SCML2: variants seen among roughly 807,000 people sequenced by gnomAD.
The protein encoded by SCML2 is Scm polycomb group protein like 2, also known as sex comb on midleg-like protein 2.
Under a neutral mutation model 48.4 loss-of-function variants are expected in SCML2, and 6 were observed. The ratio of observed to expected loss-of-function variants is 0.12; its 90% CI spans 0.07 to 0.24. The LOEUF is 0.24. SCML2 is among the 10% of genes least tolerant of loss of function. The pLI, the probability that SCML2 is intolerant of heterozygous loss-of-function variation, is 1.00. For missense variants in SCML2, 377 were observed against 528.2 expected (o/e 0.71, Z 2.81); for synonymous variants, 181 against 189.5 (o/e 0.95, Z 0.37).
intron 3 of SCML2, among the ~76,000 whole-genome samples, chrX:18,329,076 A>G (rs757390636): frequency 1.8e-5 from 2 of 111,557 alleles, no homozygotes; most frequent in African/African-American, 3.3e-5. Context: ...AATGTTCTAA[A>G]ATTGACTGTG....
chrX:18,240,159 G>A lies in SCML2; in HGVS notation c.*1092C>T, dbSNP rs1926213990. The A allele has an allele frequency of 8.9e-6, 1 of 111,922 alleles. No homozygotes were observed. The highest frequency in any genetic ancestry group is 3.3e-5 in the African/African-American group (1 of 30,709). The allele number at this position is 111,922 out of a possible 1,213,427, so 9.2% of individuals were successfully genotyped here. The stretch of plus-strand genomic sequence containing the variant: ...TTGTTTCATATCCCCTGAAGAGTAA[G>A]CTGAGAGGTACTGGTGATAGCAAAC... On this transcript the variant is annotated 3_prime_UTR_variant, in exon 15 of 15. Transcript: ENST00000251900.
intron 1 of SCML2, among the ~76,000 whole-genome samples, chrX:18,350,623 T>C (rs12839019): frequency 1.4e-3 from 152 of 106,562 alleles, no homozygotes; most frequent in African/African-American, 5.0e-3. Flanking sequence ...TACATGCCTG[T>C]AGTCCCAGCA....
At chrX:18,323,724 C>A (rs976801797) in intron 5 of SCML2, 135 bp downstream of exon 5, 6 of 486,884 alleles carry the variant, frequency 1.2e-5, no homozygotes, top group Non-Finnish European at 1.8e-5. Context: ...TCTCATCATA[C>A]ATTCTCCACA....
chrX:18,264,212 T>C lies in SCML2; in HGVS notation c.948+1373A>G, dbSNP rs200692169. On this transcript the variant is annotated intron_variant, in intron 8 of 14. Transcript: ENST00000251900. ...ATCTAAAAGGTCTCTGGGTTCGTTT[T>C]CTTTCTCAATCTTAGTCTGAGTTTT... 8.9e-5 allele frequency among the ~76,000 whole-genome samples: 10 copies of C among 111,833 alleles called. No homozygotes were observed. In the East Asian group the frequency reaches 2.8e-3, roughly 31 times the overall value.
intron 3 of SCML2, among the ~76,000 whole-genome samples, chrX:18,325,609 T>C (rs1929454597): frequency 8.9e-6 from 1 of 111,838 alleles, no homozygotes; most frequent in Non-Finnish European, 1.9e-5. Flanking sequence ...TTCTACAGAC[T>C]CTTGCTGTCC....
At chrX:18,300,893 AAATTATAAT>A (rs1300150413) in intron 7 of SCML2, among the ~76,000 whole-genome samples, 1 of 111,893 alleles carries the variant, frequency 8.9e-6, no homozygotes, top group Non-Finnish European at 1.9e-5. Context: ...GTTCACCAGG[AAATTATAAT>A]AATTCAAAAC....
intron 7 of SCML2, among the ~76,000 whole-genome samples, chrX:18,275,618 G>A (rs750025835): frequency 5.0e-4 from 56 of 112,151 alleles, no homozygotes; most frequent in Non-Finnish European, 9.4e-4. Flanking sequence ...CAAATATCTG[G>A]TCTAGGGCCT....
intron 1 of SCML2, among the ~76,000 whole-genome samples, chrX:18,346,441 A>G (rs1172144231): frequency 8.9e-6 from 1 of 112,354 alleles, no homozygotes; most frequent in African/African-American, 3.2e-5. Context: ...AATCTATTGA[A>G]AAAAATGTTT....
intron 7 of SCML2, 59 bp from the exon 8 acceptor site, chrX:18,265,861 T>C: frequency 2.3e-6 from 2 of 862,013 alleles, no homozygotes; most frequent in Non-Finnish European, 3.3e-6. Context: ...CATTGTCTCC[T>C]CATGACTCAA....
intron 7 of SCML2, 31 bp downstream of exon 7, chrX:18,304,941 T>C: frequency 8.4e-7 from 1 of 1,185,771 alleles, no homozygotes; most frequent in African/African-American, 1.8e-5. Flanking sequence ...TTCAATAAAG[T>C]AGAAGAAAAA....
At chrX:18,343,947 GAAAGA>G (rs1179634998) in intron 1 of SCML2, among the ~76,000 whole-genome samples, 4 of 90,160 alleles carry the variant, frequency 4.4e-5, no homozygotes, top group South Asian at 4.9e-4. Context: ...AAAAAAGAAA[GAAAGA>G]AAAGAAAAGA....
At chrX:18,300,694 G>A (rs1928557326) in intron 7 of SCML2, among the ~76,000 whole-genome samples, 1 of 108,807 alleles carries the variant, frequency 9.2e-6, no homozygotes, top group Non-Finnish European at 1.9e-5. Flanking sequence ...AGAAGGCTGA[G>A]GCAGGAAAAT....
intron 7 of SCML2, among the ~76,000 whole-genome samples, chrX:18,301,648 C>T (rs1928595381): frequency 9.0e-6 from 1 of 110,769 alleles, no homozygotes; most frequent in African/African-American, 3.3e-5. Context: ...TAACACGTGC[C>T]TGTAGTCCCA....
intron 7 of SCML2, among the ~76,000 whole-genome samples, chrX:18,302,514 C>T (rs1051158592): frequency 9.0e-6 from 1 of 111,191 alleles, no homozygotes; most frequent in Non-Finnish European, 1.9e-5. Context: ...TGTGAGTTCC[C>T]GAGCACTCCC....
chrX:18,281,749 G>A (rs1191894713), intron 7 of SCML2, among the ~76,000 whole-genome samples: 2 of 104,693 alleles, frequency 1.9e-5, no homozygotes, highest in Admixed American at 1.0e-4. Context: ...GGCACCTAAA[G>A]GAACTAGAAA....
intron 6 of SCML2, among the ~76,000 whole-genome samples, chrX:18,307,744 G>A (rs762506452): frequency 9.0e-6 from 1 of 111,280 alleles, no homozygotes; most frequent in Non-Finnish European, 1.9e-5. Context: ...GGAATGCCGA[G>A]GTGGGCAGAT....
chrX:18,283,495 ACTATCT>A (rs1927935069), intron 7 of SCML2, among the ~76,000 whole-genome samples: 1 of 112,263 alleles, frequency 8.9e-6, no homozygotes, highest in Non-Finnish European at 1.9e-5. Flanking sequence ...AAGAAGTCAA[ACTATCT>A]CTCTTCAGTG....
At chrX:18,254,522 A>G (rs960824261) in intron 11 of SCML2, among the ~76,000 whole-genome samples, 3 of 112,663 alleles carry the variant, frequency 2.7e-5, no homozygotes, top group Non-Finnish European at 5.6e-5. Context: ...TTAATCTGAA[A>G]ATTCAAACAT....
intron 7 of SCML2, among the ~76,000 whole-genome samples, chrX:18,268,386 A>G (rs1927328534): frequency 9.0e-6 from 1 of 110,951 alleles, no homozygotes. Flanking sequence ...AAAATTAGCC[A>G]GGCATGGTGG....
Sources: gnomAD v4.1 joint callset for allele counts (sites outside exome capture counted in the v4.1 genomes callset) on GRCh38, gnomAD v4.1.1 for gene constraint, MANE v1.5 for transcripts, NCBI Gene and HGNC (gene_info 2026-07-23, HGNC 2026-07-21) for gene names.